The following PSD3 variants were observed in gnomAD, a reference collection of about 807,000 sequenced individuals.
PSD3 encodes the protein pleckstrin and Sec7 domain containing 3.
In PSD3, 49 loss-of-function variants were observed where a neutral mutation model predicts 105.5. That is an observed-to-expected ratio of 0.46 (90% CI 0.37 to 0.59). The LOEUF is 0.59. Among genes scored for constraint, PSD3 ranks in the 20% least tolerant of loss-of-function variants. The pLI is 0.00. For synonymous variants in PSD3, 557 were observed against 457.8 expected, an observed-to-expected ratio of 1.22 and a Z score of -2.77; for missense variants, 1,561 against 1,263.8, an observed-to-expected ratio of 1.24 and a Z score of -3.57.
At chr8:18,843,516 A>G (rs1814826533) in intron 4 of PSD3, among the ~76,000 whole-genome samples, 1 of 152,182 alleles carries the variant, frequency 6.6e-6, no homozygotes, top group Admixed American at 6.5e-5. Context: ...CCATGGAAAG[A>G]TACTTCAGAG....
intron 8 of PSD3, among the ~76,000 whole-genome samples, chr8:18,765,824 T>A (rs555164462): frequency 6.6e-6 from 1 of 151,862 alleles, no homozygotes; most frequent in Non-Finnish European, 1.5e-5. Context: ...AAGAATTAGT[T>A]TGGCATGGTG....
chr8:18,952,801 A>G (rs1823322255), intron 1 of PSD3, among the ~76,000 whole-genome samples: 1 of 152,212 alleles, frequency 6.6e-6, no homozygotes. Flanking sequence ...GACAATTTGG[A>G]GACATTTAGT....
chr8:19,082,364 C>A (rs970095085), intron 1 of PSD3, among the ~76,000 whole-genome samples: 2 of 152,192 alleles, frequency 1.3e-5, no homozygotes, highest in African/African-American at 2.4e-5. Flanking sequence ...TCCCTTAGGA[C>A]TACTGAGGGC....
At chr8:18,974,518 C>A (rs1461065387) in intron 1 of PSD3, among the ~76,000 whole-genome samples, 2 of 152,176 alleles carry the variant, frequency 1.3e-5, no homozygotes, top group Non-Finnish European at 2.9e-5. Flanking sequence ...ACTACCAAAT[C>A]CTGTGCCATT....
At chr8:18,680,183 G>T (rs572109814) in intron 9 of PSD3, among the ~76,000 whole-genome samples, 27 of 152,262 alleles carry the variant, frequency 1.8e-4, no homozygotes, top group African/African-American at 6.3e-4. Flanking sequence ...CTCAGAGGAG[G>T]ACTGTGGAAA....
At chr8:19,022,818 T>C (rs1357564508) in intron 1 of PSD3, among the ~76,000 whole-genome samples, 3 of 151,772 alleles carry the variant, frequency 2.0e-5, no homozygotes, top group Admixed American at 2.0e-4. Flanking sequence ...ATAGTTTTGA[T>C]TTGACTGACA....
intron 9 of PSD3, among the ~76,000 whole-genome samples, chr8:18,731,397 G>C (rs913872702): frequency 6.6e-6 from 1 of 152,184 alleles, no homozygotes; most frequent in Non-Finnish European, 1.5e-5. Context: ...AGTGACATTG[G>C]AAGATTCTGC....
chr8:19,036,785 C>T (rs74990374), intron 1 of PSD3, among the ~76,000 whole-genome samples: 2,492 of 152,238 alleles, frequency 0.016, 70 homozygotes, highest in African/African-American at 0.056. Context: ...TTGAAATGTC[C>T]TCTTGTACGT....
At chr8:18,707,098 C>G (rs1018610217) in intron 9 of PSD3, among the ~76,000 whole-genome samples, 1 of 152,162 alleles carries the variant, frequency 6.6e-6, no homozygotes, top group Admixed American at 6.6e-5. Context: ...TCAGCTGCCA[C>G]TCCACACATG....
chr8:18,872,775 G>T, intron 2 of PSD3, 42 bp from the exon 3 acceptor site: 1 of 1,490,370 alleles, frequency 6.7e-7, no homozygotes, highest in Non-Finnish European at 9.0e-7. Context: ...GTTGTAGAAA[G>T]ACAGGGCCCA....
intron 11 of PSD3, among the ~76,000 whole-genome samples, chr8:18,614,011 G>A (rs1009939539): frequency 2.0e-5 from 3 of 152,130 alleles, no homozygotes; most frequent in Non-Finnish European, 2.9e-5. Context: ...ACACAATTTG[G>A]CTTACAGCCA....
chr8:18,998,396 A>G (rs1826193164), intron 1 of PSD3, among the ~76,000 whole-genome samples: 1 of 151,944 alleles, frequency 6.6e-6, no homozygotes, highest in South Asian at 2.1e-4. Flanking sequence ...CATTTAAAAG[A>G]TGGGTCCTGG....
chr8:18,985,315 T>C (rs947254010), intron 1 of PSD3, among the ~76,000 whole-genome samples: 2 of 152,174 alleles, frequency 1.3e-5, no homozygotes, highest in Non-Finnish European at 2.9e-5. Flanking sequence ...TGTAAAATTA[T>C]GAGCCTTTGG....
chr8:18,881,203 T>G (rs1273328146), intron 2 of PSD3, among the ~76,000 whole-genome samples: 4 of 152,174 alleles, frequency 2.6e-5, no homozygotes, highest in African/African-American at 9.7e-5. Flanking sequence ...TTCTTTTGAT[T>G]TAGTATATTG....
chr8:19,008,085 C>T (rs763833274), intron 1 of PSD3, among the ~76,000 whole-genome samples: 1 of 152,134 alleles, frequency 6.6e-6, no homozygotes, highest in Admixed American at 6.5e-5. Context: ...CTCAGGCGAT[C>T]CACCCGCCTC....
intron 10 of PSD3, among the ~76,000 whole-genome samples, chr8:18,644,651 CACA>C (rs1256593825): frequency 2.0e-5 from 3 of 152,166 alleles, no homozygotes; most frequent in Admixed American, 6.5e-5. Flanking sequence ...CCCAACTGCC[CACA>C]ATGCTCCGTT....
chr8:18,874,926 C>G (rs1403494297), intron 2 of PSD3, among the ~76,000 whole-genome samples: 1 of 151,758 alleles, frequency 6.6e-6, no homozygotes, highest in Admixed American at 6.6e-5. Flanking sequence ...ACTTTTTTCT[C>G]TTTTTTAAAG....
At chr8:18,787,810 A>G (rs1459372528) in intron 8 of PSD3, among the ~76,000 whole-genome samples, 2 of 152,222 alleles carry the variant, frequency 1.3e-5, no homozygotes, top group African/African-American at 4.8e-5. Flanking sequence ...ACTTATCCTC[A>G]ATATGTTTAA....
chr8:18,952,370 T>C (rs1434430971), intron 1 of PSD3, among the ~76,000 whole-genome samples: 1 of 145,000 alleles, frequency 6.9e-6, no homozygotes, highest in Non-Finnish European at 1.5e-5. Flanking sequence ...ACGGACTTGT[T>C]TCTGGGGAAA....
Sources: allele counts gnomAD v4.1 joint callset (sites outside exome capture counted in the v4.1 genomes callset), GRCh38; gene constraint gnomAD v4.1.1; transcripts MANE v1.5; gene names NCBI Gene and HGNC (gene_info 2026-07-23, HGNC 2026-07-21).